Variants in PCDHGA1 observed in about 807,000 individuals in gnomAD.
PCDHGA1 encodes protocadherin gamma subfamily A, 1, also known as protocadherin gamma-A1.
A neutral mutation model predicts 58.0 loss-of-function variants in PCDHGA1; 32 were observed. That is an observed-to-expected ratio of 0.55 (90% CI 0.42 to 0.74). The LOEUF (loss-of-function observed/expected upper bound fraction) is 0.74. Among genes scored for constraint, PCDHGA1 ranks in the 30% least tolerant of loss-of-function variants. PCDHGA1 has a pLI of 0.00. For missense variants in PCDHGA1, 1,205 were observed against 1,182.3 expected (o/e 1.02, Z -0.28); for synonymous variants, 498 against 501.1 (o/e 0.99, Z 0.08).
chr5:141,454,232 G>T (rs2098784520), intron 1 of PCDHGA1, among the ~76,000 whole-genome samples: 1 of 152,146 alleles, frequency 6.6e-6, no homozygotes, highest in African/African-American at 2.4e-5. Context: ...TAATTGTGAT[G>T]AAAAGGATGA....
In PCDHGA1 at chr5:141,502,866, C is replaced by CTTTTTTTTTTTT. The variant is rs549047197; in HGVS notation, c.2481-2524_2481-2513dup. 2.4e-4 allele frequency among the ~76,000 whole-genome samples: 31 copies of CTTTTTTTTTTTT among 128,008 alleles called. 3 individuals are homozygous for CTTTTTTTTTTTT. Among genetic ancestry groups the CTTTTTTTTTTTT allele is most frequent in the African/African-American group, 3.4e-4 (11 of 32,350 alleles). 84.0% of individuals were successfully genotyped at this position (128,008 alleles called of 152,430 possible). ...GAGCTGCCTAACCCTGACTCTCTGT[C>CTTTTTTTTTTTT]TTTTTTTTTTTTTTGACAGGGAGTC... is the stretch of plus-strand genomic sequence containing the variant. On this transcript the variant is annotated intron_variant, in intron 2 of 3. Transcript: ENST00000517417.
At chr5:141,376,296 C>A (rs769852070) in intron 1 of PCDHGA1, 44 of 1,614,066 alleles carry the variant, frequency 2.7e-5, no homozygotes, top group Middle Eastern at 1.6e-4. Flanking sequence ...ATGCCCGGCT[C>A]GCACTTTGTG....
rs1030000451 is a variant in PCDHGA1, at chr5:141,432,417, T to G, written c.2422-62390T>G. 2.5e-6 allele frequency: 4 copies of G among 1,614,124 alleles called. No individual in the cohort carries two copies. In the African/African-American group the frequency reaches 5.3e-5, roughly 22 times the overall value. On this transcript the variant is annotated intron_variant, in intron 1 of 3. Coordinates refer to ENST00000517417, the MANE Select transcript of PCDHGA1 (RefSeq NM_018912.3). This position sits in a 1 kb window ranked among gnomAD's most constrained non-coding sequence, Gnocchi z 6.0. The stretch of plus-strand genomic sequence containing the variant: ...AACGTGTCGTTGAGCCTGTTCGTGC[T>G]GGACCAGAACGACAATGCGCCCGAG...
chr5:141,466,885 G>A (rs997982577), intron 1 of PCDHGA1, among the ~76,000 whole-genome samples: 3 of 151,938 alleles, frequency 2.0e-5, no homozygotes, highest in Non-Finnish European at 4.4e-5. Context: ...TTCATAATAT[G>A]CATTTTCCAT....
Position 141,363,485 on chromosome 5 carries a change from T to A in PCDHGA1, c.2421+30380T>A, listed in dbSNP as rs1022472652. On this transcript the variant is annotated intron_variant, in intron 1 of 3. Transcript: ENST00000517417. ...ATCTGCTCATGCTTTCCTGCATGGATGATGAAATAAAACCCCATCCTCCAC... is the reference window on the plus strand; with the variant it reads ...ATCTGCTCATGCTTTCCTGCATGGAAGATGAAATAAAACCCCATCCTCCAC... Among the ~76,000 whole-genome samples the A allele has an allele frequency of 5.9e-5, 9 of 152,236 alleles. No homozygotes were observed. The East Asian group carries it at 1.5e-3, about 26-fold the overall frequency.
chr5:141,432,014 A>C lies in PCDHGA1; in HGVS notation c.2422-62793A>C, dbSNP rs778393699. Reference sequence around the variant, plus strand: ...GGATAGGGAACAGGTTCCTAGCTACAACATCACAGTGACCGCCACTGACCG... The same window carrying C: ...GGATAGGGAACAGGTTCCTAGCTACCACATCACAGTGACCGCCACTGACCG... On this transcript the variant is annotated intron_variant, in intron 1 of 3. Transcript: ENST00000517417. This position sits in a 1 kb window ranked among gnomAD's most constrained non-coding sequence, Gnocchi z 6.0. 16 of 1,614,196 alleles carry C rather than the reference A, an allele frequency of 9.9e-6. 1 individual carries two copies. In the South Asian group the frequency reaches 1.6e-4, roughly 17 times the overall value.
intron 1 of PCDHGA1, chr5:141,394,841 C>A: frequency 6.2e-7 from 1 of 1,613,852 alleles, no homozygotes; most frequent in Non-Finnish European, 8.5e-7. Flanking sequence ...CCGAGTTGGG[C>A]AGTCTGAAGC....
chr5:141,389,303 G>C, intron 1 of PCDHGA1: 3 of 1,614,000 alleles, frequency 1.9e-6, no homozygotes, highest in Non-Finnish European at 2.5e-6. Flanking sequence ...CACAAGTCAG[G>C]GCTTCTGATC....
At chr5:141,460,134 T>TCAAAGA in intron 1 of PCDHGA1, among the ~76,000 whole-genome samples, 1 of 152,066 alleles carries the variant, frequency 6.6e-6, no homozygotes, top group South Asian at 2.1e-4. Flanking sequence ...AATATATATA[T>TCAAAGA]TCTTGATGTG....
intron 1 of PCDHGA1, chr5:141,415,477 C>A (rs2095874299): frequency 1.9e-6 from 3 of 1,614,184 alleles, no homozygotes; most frequent in Non-Finnish European, 2.5e-6. Flanking sequence ...CGCGGACTCG[C>A]GAAAGAGTCA....
intron 1 of PCDHGA1, chr5:141,440,169 C>A (rs891186588): frequency 1.3e-5 from 2 of 152,218 alleles, no homozygotes; most frequent in Non-Finnish European, 2.9e-5. Flanking sequence ...TGGGCCATAA[C>A]GCTTTGAAAT....
intron 2 of PCDHGA1, among the ~76,000 whole-genome samples, chr5:141,497,781 C>T (rs2099779421): frequency 1.3e-5 from 2 of 152,192 alleles, no homozygotes; most frequent in African/African-American, 4.8e-5. Flanking sequence ...CTCAACTGAT[C>T]CACCTGCTTC....
At chr5:141,401,936 G>A (rs950687803) in intron 1 of PCDHGA1, among the ~76,000 whole-genome samples, 1 of 152,100 alleles carries the variant, frequency 6.6e-6, no homozygotes, top group African/African-American at 2.4e-5. Flanking sequence ...TTAGAATAAT[G>A]TTTAAGACCA....
chr5:141,339,019 GTGCTTCCTTT>G (rs1756800368), intron 1 of PCDHGA1: 1 of 1,590,480 alleles, frequency 6.3e-7, no homozygotes, highest in East Asian at 2.3e-5. Flanking sequence ...TGGTCCTGCT[GTGCTTCCTTT>G]TGGCGACCCT....
intron 1 of PCDHGA1, chr5:141,340,284 T>C: frequency 6.2e-7 from 1 of 1,614,144 alleles, no homozygotes; most frequent in Non-Finnish European, 8.5e-7. Context: ...GATGCTCACA[T>C]TTTGCTCCAG....
intron 2 of PCDHGA1, among the ~76,000 whole-genome samples, chr5:141,504,794 A>G (rs2099841154): frequency 6.6e-6 from 1 of 151,718 alleles, no homozygotes; most frequent in African/African-American, 2.4e-5. Flanking sequence ...GGCCTCCTAC[A>G]TCTCCCCCTA....
Position 141,487,272 on chromosome 5 carries a change from T to C in PCDHGA1, c.2422-7535T>C. 6.2e-7 allele frequency: 1 copy of C among 1,614,148 alleles called. No homozygotes were observed. The highest frequency in any genetic ancestry group is 8.5e-7 in the Non-Finnish European group (1 of 1,180,036). Reference sequence around the variant, plus strand: ...TACTTGGCTGTGTCCCTAGTGGCAATTTGCTTTGTCTCCTTTGGCTCATTC... The same window carrying C: ...TACTTGGCTGTGTCCCTAGTGGCAACTTGCTTTGTCTCCTTTGGCTCATTC... On this transcript the variant is annotated intron_variant, in intron 1 of 3. Coordinates refer to ENST00000517417, the MANE Select transcript of PCDHGA1 (RefSeq NM_018912.3). This position sits in a 1 kb window ranked among gnomAD's most constrained non-coding sequence, Gnocchi z 5.0.
chr5:141,506,262 A>G (rs1395369571), intron 3 of PCDHGA1, among the ~76,000 whole-genome samples: 1 of 152,046 alleles, frequency 6.6e-6, no homozygotes, highest in Admixed American at 6.6e-5. Context: ...CGGCCTGGCC[A>G]ACATAGTGAA....
intron 1 of PCDHGA1, chr5:141,355,963 G>A: frequency 6.2e-7 from 1 of 1,613,836 alleles, no homozygotes; most frequent in Non-Finnish European, 8.5e-7. Context: ...TCGTGAGAAC[G>A]TTCCTGTAGG....
Sources: gnomAD v4.1 joint callset for allele counts (sites outside exome capture counted in the v4.1 genomes callset) on GRCh38, gnomAD v4.1.1 for gene constraint, Gnocchi (gnomAD v3.1) non-coding constraint, MANE v1.5 for transcripts, NCBI Gene and HGNC (gene_info 2026-07-23, HGNC 2026-07-21) for gene names.